Variants in AUH observed in about 807,000 individuals in gnomAD.
The protein encoded by AUH is methylglutaconyl-CoA hydratase, mitochondrial.
AUH carries 29 observed loss-of-function variants against 42.3 expected under a neutral mutation model. The observed-to-expected ratio is 0.69, with a 90% CI of 0.51 to 0.93. The LOEUF (loss-of-function observed/expected upper bound fraction) is 0.93, where lower values mean the gene tolerates loss of function less well. Among genes scored for constraint, AUH ranks in the 40% least tolerant of loss-of-function variants. The probability of loss-of-function intolerance (pLI) is 0.00; values close to 1 mark genes in which losing one functional copy is unlikely to be tolerated. For missense variants in AUH, 452 were observed against 438.1 expected, an observed-to-expected ratio of 1.03 and a Z score of -0.28; for synonymous variants, 174 against 166.4, an observed-to-expected ratio of 1.05 and a Z score of -0.35.
At chr9:91,291,089 C>T (rs554778872) in intron 6 of AUH, among the ~76,000 whole-genome samples, 6 of 152,148 alleles carry the variant, frequency 3.9e-5, no homozygotes, top group African/African-American at 1.4e-4. Context: ...CCGTGGCTGC[C>T]GACAACCCTT....
intron 3 of AUH, among the ~76,000 whole-genome samples, chr9:91,333,850 A>T (rs973367896): frequency 1.3e-5 from 2 of 152,190 alleles, no homozygotes; most frequent in African/African-American, 4.8e-5. Context: ...AATTCTCAAC[A>T]TTAATATTTT....
intron 4 of AUH, among the ~76,000 whole-genome samples, chr9:91,303,488 G>A (rs1323940207): frequency 6.6e-6 from 1 of 152,046 alleles, no homozygotes; most frequent in African/African-American, 2.4e-5. Context: ...CCGCCACTAC[G>A]CCCAGCTAAT....
chr9:91,348,081 CA>C (rs201981961), intron 3 of AUH, among the ~76,000 whole-genome samples: 19 of 139,782 alleles, frequency 1.4e-4, no homozygotes, highest in South Asian at 2.3e-4. Flanking sequence ...TAAAAAAAAA[CA>C]AAAAAAAAAC....
At chr9:91,318,595 C>T (rs990713835) in intron 4 of AUH, among the ~76,000 whole-genome samples, 1 of 152,186 alleles carries the variant, frequency 6.6e-6, no homozygotes, top group African/African-American at 2.4e-5. Context: ...AGAATTCTCT[C>T]CCGAGCAGGA....
chr9:91,239,769 ACG>A (rs1336717008), intron 6 of AUH, among the ~76,000 whole-genome samples: 2 of 152,174 alleles, frequency 1.3e-5, no homozygotes, highest in Non-Finnish European at 2.9e-5. Flanking sequence ...GCACACACGC[ACG>A]CACAAGACAG....
chr9:91,218,851 T>C (rs958733789), intron 7 of AUH: 6 of 985,420 alleles, frequency 6.1e-6, no homozygotes, highest in Non-Finnish European at 6.0e-6. Context: ...TAAAGGTGAT[T>C]CCACTCAAAC....
intron 4 of AUH, among the ~76,000 whole-genome samples, chr9:91,314,223 G>T (rs899477419): frequency 2.6e-5 from 4 of 151,974 alleles, no homozygotes; most frequent in Admixed American, 1.3e-4. Context: ...AAAAGTAGGG[G>T]GCCAGGAACA....
intron 6 of AUH, among the ~76,000 whole-genome samples, chr9:91,292,293 T>G (rs1387768378): frequency 1.3e-5 from 2 of 148,910 alleles, no homozygotes; most frequent in African/African-American, 5.0e-5. Flanking sequence ...TTTTTTTTTT[T>G]GAGACGGAGT....
chr9:91,333,014 C>G (rs1173109853), intron 3 of AUH, among the ~76,000 whole-genome samples: 1 of 152,146 alleles, frequency 6.6e-6, no homozygotes, highest in Non-Finnish European at 1.5e-5. Flanking sequence ...CAGCACCAGG[C>G]AGTAGATATC....
chr9:91,217,472 C>A (rs962131124), intron 7 of AUH, 145 bp from the exon 8 acceptor site: 14 of 770,256 alleles, frequency 1.8e-5, no homozygotes, highest in Admixed American at 7.8e-5. Context: ...ATTTTCTGAG[C>A]CTTGCAAGGC....
intron 3 of AUH, among the ~76,000 whole-genome samples, chr9:91,342,456 T>G (rs1831180471): frequency 6.6e-6 from 1 of 152,210 alleles, no homozygotes. Context: ...TGGGGGTCAT[T>G]TCTGCCTCCC....
At position 91,349,046 on chromosome 9, in the gene AUH, G is replaced by A. The variant is rs575072098; in HGVS notation, c.418+6837C>T. Among the ~76,000 whole-genome samples the A allele has an allele frequency of 5.9e-5, 9 of 152,232 alleles. No homozygotes were observed. In the South Asian group the frequency reaches 6.2e-4, roughly 11 times the overall value. ...ACGTTACTTATCAAACTCTCTGAAG[G>A]ACTAACAGTTAAATACATAAATATG... On this transcript the variant is annotated intron_variant, in intron 3 of 9. Coordinates refer to ENST00000375731, the MANE Select transcript of AUH (RefSeq NM_001698.3).
At chr9:91,217,748 G>A (rs1424477666) in intron 7 of AUH, among the ~76,000 whole-genome samples, 1 of 152,160 alleles carries the variant, frequency 6.6e-6, no homozygotes, top group African/African-American at 2.4e-5. Flanking sequence ...GTAGGGTTCT[G>A]ATATCATCTC....
intron 6 of AUH, among the ~76,000 whole-genome samples, chr9:91,264,136 TA>T (rs1564043352): frequency 6.6e-6 from 1 of 152,146 alleles, no homozygotes; most frequent in African/African-American, 2.4e-5. Context: ...ATATATGTGT[TA>T]TATGTGTGTG....
chr9:91,226,553 T>G (rs1469248205), intron 6 of AUH, among the ~76,000 whole-genome samples: 2 of 148,256 alleles, frequency 1.3e-5, no homozygotes, highest in Admixed American at 1.3e-4. Context: ...CTCTTTAGTT[T>G]AATTAGATCC....
intron 4 of AUH, among the ~76,000 whole-genome samples, chr9:91,320,057 T>C (rs997090283): frequency 8.5e-5 from 13 of 152,256 alleles, no homozygotes; most frequent in African/African-American, 3.1e-4. Flanking sequence ...GATGCTAACA[T>C]ACTTGTGCTG....
At chr9:91,267,796 TCCCCTTTCCTAG>T (rs894924027) in intron 6 of AUH, among the ~76,000 whole-genome samples, 12 of 152,068 alleles carry the variant, frequency 7.9e-5, no homozygotes, top group African/African-American at 2.9e-4. Flanking sequence ...GGAGCTCATT[TCCCCTTTCCTAG>T]CCCCTTTTCT....
At chr9:91,252,317 C>T (rs947435784) in intron 6 of AUH, among the ~76,000 whole-genome samples, 2 of 152,008 alleles carry the variant, frequency 1.3e-5, no homozygotes, top group Non-Finnish European at 2.9e-5. Flanking sequence ...AAAACTTGTA[C>T]ATATGGTCAA....
At chr9:91,214,454 A>T in intron 9 of AUH, 29 bp from the exon 10 acceptor site, 1 of 1,530,796 alleles carries the variant, frequency 6.5e-7, no homozygotes, top group Non-Finnish European at 8.9e-7. Context: ...TAAATATGTC[A>T]AAAATGTTAA....
Sources: allele counts gnomAD v4.1 joint callset (sites outside exome capture counted in the v4.1 genomes callset), GRCh38; gene constraint gnomAD v4.1.1; transcripts MANE v1.5; gene names NCBI Gene and HGNC (gene_info 2026-07-23, HGNC 2026-07-21).